Variants in KIAA1217 observed in about 807,000 individuals in gnomAD.
KIAA1217 encodes the protein sickle tail protein homolog.
In KIAA1217, 88 loss-of-function variants were observed where a neutral mutation model predicts 163.9. The observed-to-expected ratio is 0.54, with a 90% confidence interval of 0.45 to 0.64. The LOEUF is 0.64. Among genes scored for constraint, KIAA1217 ranks in the 30% least tolerant of loss-of-function variants. The pLI is 0.00. For missense variants in KIAA1217, 2,372 were observed against 2,475.0 expected (o/e 0.96, Z 0.88); for synonymous variants, 903 against 923.1 (o/e 0.98, Z 0.39).
intron 2 of KIAA1217, chr10:24,157,975 A>G: frequency 1.3e-6 from 1 of 751,850 alleles, no homozygotes; most frequent in South Asian, 1.5e-5. Flanking sequence ...TGGTGACTCC[A>G]CAATCTCGAT....
At chr10:24,042,812 A>C (rs1848709590) in intron 2 of KIAA1217, among the ~76,000 whole-genome samples, 1 of 152,192 alleles carries the variant, frequency 6.6e-6, no homozygotes, top group Non-Finnish European at 1.5e-5. Flanking sequence ...ATCATATTCA[A>C]AGTTTCTTAC....
intron 2 of KIAA1217, among the ~76,000 whole-genome samples, chr10:24,191,820 C>T (rs1205433417): frequency 1.3e-5 from 2 of 152,188 alleles, no homozygotes; most frequent in Admixed American, 6.5e-5. Flanking sequence ...ATGGCGCAAC[C>T]TCAACTCACT....
chr10:23,864,004 C>T (rs968945615), intron 1 of KIAA1217, among the ~76,000 whole-genome samples: 5 of 151,988 alleles, frequency 3.3e-5, no homozygotes, highest in African/African-American at 2.4e-5. Flanking sequence ...TTACCTTGTG[C>T]CTGCATACAG....
intron 2 of KIAA1217, among the ~76,000 whole-genome samples, chr10:24,064,366 T>G (rs992196409): frequency 6.6e-6 from 1 of 152,184 alleles, no homozygotes; most frequent in African/African-American, 2.4e-5. Flanking sequence ...GTTGAATTTT[T>G]TCAAAGGCCT....
intron 2 of KIAA1217, among the ~76,000 whole-genome samples, chr10:24,086,710 A>C (rs1288651528): frequency 6.6e-6 from 1 of 152,232 alleles, no homozygotes; most frequent in African/African-American, 2.4e-5. Flanking sequence ...TGCCATCTCA[A>C]GCTTGAAAAC....
chr10:24,446,190 T>C (rs1344917622), intron 5 of KIAA1217, among the ~76,000 whole-genome samples: 2 of 152,204 alleles, frequency 1.3e-5, no homozygotes, highest in African/African-American at 2.4e-5. Flanking sequence ...TTTTGAGAAG[T>C]GTCTGTTCAT....
intron 1 of KIAA1217, among the ~76,000 whole-genome samples, chr10:23,918,198 C>T (rs975820843): frequency 2.7e-4 from 40 of 150,136 alleles, no homozygotes; most frequent in Non-Finnish European, 4.7e-4. Flanking sequence ...GCTTCATTCC[C>T]CAGGTTGTTC....
intron 2 of KIAA1217, among the ~76,000 whole-genome samples, chr10:24,296,134 C>G (rs1336540153): frequency 6.6e-6 from 1 of 151,996 alleles, no homozygotes; most frequent in East Asian, 1.9e-4. Flanking sequence ...GACAGGGGCC[C>G]ACTCTGTTGC....
chr10:24,360,835 A>G (rs2049882047), intron 2 of KIAA1217, among the ~76,000 whole-genome samples: 1 of 151,942 alleles, frequency 6.6e-6, no homozygotes, highest in Non-Finnish European at 1.5e-5. Flanking sequence ...AAACTCTCAA[A>G]TCAAATCTCC....
intron 2 of KIAA1217, among the ~76,000 whole-genome samples, chr10:24,326,888 T>C (rs955690829): frequency 2.2e-4 from 34 of 152,230 alleles, no homozygotes; most frequent in African/African-American, 8.0e-4. Flanking sequence ...AAATTACTTA[T>C]GATTTGTAAA....
chr10:24,314,689 C>T (rs1422503574), intron 2 of KIAA1217, among the ~76,000 whole-genome samples: 1 of 152,104 alleles, frequency 6.6e-6, no homozygotes, highest in Non-Finnish European at 1.5e-5. Context: ...CGCCTGTAAT[C>T]CCAGCACTTT....
intron 1 of KIAA1217, among the ~76,000 whole-genome samples, chr10:23,842,163 C>A (rs761775108): frequency 6.6e-6 from 1 of 152,054 alleles, no homozygotes; most frequent in African/African-American, 2.4e-5. Context: ...CCACCGTGCC[C>A]GGCATAGGAC....
chr10:23,722,504 T>A (rs1020548555), intron 1 of KIAA1217, among the ~76,000 whole-genome samples: 7 of 152,194 alleles, frequency 4.6e-5, no homozygotes, highest in Non-Finnish European at 1.0e-4. Context: ...AGAGAAAAAA[T>A]CCTTGCCTTT....
intron 2 of KIAA1217, among the ~76,000 whole-genome samples, chr10:24,152,700 T>C (rs1803820305): frequency 6.6e-6 from 1 of 151,490 alleles, no homozygotes; most frequent in South Asian, 2.1e-4. Flanking sequence ...TAAATAAACT[T>C]TACTATCTTG....
At chr10:24,473,183 C>G (rs1004691569) in intron 5 of KIAA1217, 45 bp from the exon 6 acceptor site, 1 of 1,362,294 alleles carries the variant, frequency 7.3e-7, no homozygotes, top group South Asian at 1.4e-5. Flanking sequence ...TCTCTTGAAA[C>G]ACGAATATCA....
chr10:24,384,818 G>T (rs1024347971), intron 3 of KIAA1217, among the ~76,000 whole-genome samples: 1 of 152,234 alleles, frequency 6.6e-6, no homozygotes, highest in African/African-American at 2.4e-5. Flanking sequence ...TTACTGGCGT[G>T]AGCCACCACA....
chr10:23,848,433 A>G (rs1267971300), intron 1 of KIAA1217, among the ~76,000 whole-genome samples: 3 of 151,926 alleles, frequency 2.0e-5, no homozygotes, highest in Non-Finnish European at 2.9e-5. Context: ...ACCATTATAT[A>G]ATACCCTTCT....
intron 2 of KIAA1217, among the ~76,000 whole-genome samples, chr10:24,055,621 T>C (rs1849837904): frequency 6.6e-6 from 1 of 152,204 alleles, no homozygotes; most frequent in African/African-American, 2.4e-5. Context: ...TCCTTGAGAA[T>C]GGAGTTTTCT....
intron 20 of KIAA1217, 154 bp from the exon 21 acceptor site, chr10:24,545,673 G>T: frequency 6.9e-7 from 1 of 1,448,118 alleles, no homozygotes; most frequent in Non-Finnish European, 9.0e-7. Flanking sequence ...ACCAGGTCCA[G>T]TAGAGCACAA....
Sources: gnomAD v4.1 joint callset for allele counts (sites outside exome capture counted in the v4.1 genomes callset) on GRCh38, gnomAD v4.1.1 for gene constraint, MANE v1.5 for transcripts, NCBI Gene and HGNC (gene_info 2026-07-23, HGNC 2026-07-21) for gene names.